Variants in MICALL2 observed in about 807,000 individuals in gnomAD.
MICALL2 encodes MICAL-like protein 2.
MICALL2 carries 111 observed loss-of-function variants against 91.1 expected under a neutral mutation model. The observed-to-expected ratio is 1.22, with a 90% CI of 1.04 to 1.43. The LOEUF is 1.43. Ranked by LOEUF, MICALL2 falls within the 40% of genes most tolerant of loss-of-function variation. The pLI is 0.00. For synonymous variants in MICALL2, 694 were observed against 525.3 expected (o/e 1.32, Z -4.39); for missense variants, 1,556 against 1,236.0 (o/e 1.26, Z -3.88).
In MICALL2 at chr7:1,438,368, G is replaced by C. The variant is rs978537562; in HGVS notation, c.2123-15C>G. 2 of 1,595,230 alleles carry C rather than the reference G, an allele frequency of 1.3e-6. No individual in the cohort carries two copies. Among genetic ancestry groups the C allele is most frequent in the Non-Finnish European group, 8.5e-7 (1 of 1,172,270 alleles). The stretch of plus-strand genomic sequence containing the variant: ...CAAGGGTCTCCCTGGAGAAGGAGCA[G>C]GGTGAGCCTCTGGGACCTGGGCCAC... On this transcript the variant is annotated splice_polypyrimidine_tract_variant and intron_variant, in intron 10 of 16. Coordinates refer to ENST00000297508, the MANE Select transcript of MICALL2 (RefSeq NM_182924.4).
chr7:1,450,770 C>A (rs1352351839), intron 1 of MICALL2, among the ~76,000 whole-genome samples: 2 of 152,214 alleles, frequency 1.3e-5, no homozygotes, highest in East Asian at 3.9e-4. Context: ...AGAGGGCCAG[C>A]CACGCTGCCC....
Position 1,451,367 on chromosome 7 carries a change from G to A in MICALL2, c.144-1079C>T, listed in dbSNP as rs1780819934. Among the ~76,000 whole-genome samples, 1 of 152,164 alleles carries A rather than the reference G, an allele frequency of 6.6e-6. No homozygotes were observed. Among genetic ancestry groups the A allele is most frequent in the Non-Finnish European group, 1.5e-5 (1 of 68,012 alleles). On this transcript the variant is annotated intron_variant, in intron 1 of 16. Transcript: ENST00000297508. This position sits in a 1 kb window ranked among gnomAD's most constrained non-coding sequence, Gnocchi z 4.5. ...CTGCGGCTTCTGGGAGGGAGGGTTG[G>A]TTAAATCATGATCTGGAAGCCGGGT...
chr7:1,439,713 GGCATCACATACATGAACACATGCACACAT>G, intron 9 of MICALL2, 183 bp downstream of exon 9: 2 of 437,440 alleles, frequency 4.6e-6, no homozygotes, highest in Non-Finnish European at 7.9e-6. Flanking sequence ...CATGGATACA[GGCATCACATACATGAACACATGCACACAT>G]GCATCACACA....
In MICALL2 at chr7:1,447,084, C is replaced by T. The variant is rs192307096; in HGVS notation, c.526-256G>A. Reference sequence around the variant, plus strand: ...TGGCTGGGGGCCAGGGGACAGATTCCAGGCCTCCTCCTGCCCCATTAGGGG... The same window carrying T: ...TGGCTGGGGGCCAGGGGACAGATTCTAGGCCTCCTCCTGCCCCATTAGGGG... On this transcript the variant is annotated intron_variant, in intron 4 of 16. Coordinates refer to ENST00000297508, the MANE Select transcript of MICALL2 (RefSeq NM_182924.4). Among the ~76,000 whole-genome samples, 420 of 152,226 alleles carry T rather than the reference C, an allele frequency of 2.8e-3. 3 individuals carry two copies. The highest frequency in any genetic ancestry group is 5.1e-3 in the Non-Finnish European group (344 of 67,986).
At chr7:1,446,538 GGGA>G in intron 5 of MICALL2, 172 bp downstream of exon 5, 1 of 565,550 alleles carries the variant, frequency 1.8e-6, no homozygotes, top group Non-Finnish European at 3.2e-6. Flanking sequence ...GGGAGGAGAG[GGGA>G]GGAGGCGGGA....
At chr7:1,435,001 C>CCCCCCCCG in intron 16 of MICALL2, 100 bp downstream of exon 16, 2 of 732,138 alleles carry the variant, frequency 2.7e-6, no homozygotes, top group South Asian at 1.9e-5. Flanking sequence ...CCCCCACCCC[C>CCCCCCCCG]AGCTGGAGGC....
chr7:1,459,242 A>G lies in MICALL2; in HGVS notation c.85T>C (p.Ser29Pro). The G allele has an allele frequency of 6.2e-7, 1 of 1,611,294 alleles. No homozygotes were observed. Among genetic ancestry groups the G allele is most frequent in the East Asian group, 2.2e-5 (1 of 44,738 alleles). Residue 29 changes from serine to proline, a missense_variant, in exon 1 of 17, where the codon TCG becomes CCG. Coordinates refer to ENST00000297508, the MANE Select transcript of MICALL2 (RefSeq NM_182924.4). The part of the protein sequence containing the change: ...RDVNICNMTT[S>P]FRDGLAFCAI... The stretch of plus-strand genomic sequence containing the variant: ...CAGAAAGCCAGGCCGTCGCGGAACG[A>G]CGTGGTCATGTTGCAGATATTCACG...
At chr7:1,459,051 G>A (rs552038133) in intron 1 of MICALL2, 133 bp downstream of exon 1, 11 of 892,064 alleles carry the variant, frequency 1.2e-5, no homozygotes, top group African/African-American at 1.2e-4. Flanking sequence ...TCGGGGGGCT[G>A]CACGGTGGGC....
At position 1,442,232 on chromosome 7, in the gene MICALL2, C is replaced by T. The variant is rs146882927; in HGVS notation, c.1671G>A (p.Glu557=). The T allele has an allele frequency of 6.2e-7, 1 of 1,612,852 alleles. No individual in the cohort carries two copies. Among genetic ancestry groups the T allele is most frequent in the Non-Finnish European group, 8.5e-7 (1 of 1,179,936 alleles). The stretch of plus-strand genomic sequence containing the variant: ...TGCTTTTACCCTTTGCCATCGGGGC[C>T]TCTGGCTTCGGCCTGGAGCCAGCAC... ...RVGAGSRPKP[E]APMAKGKSTT... is the part of the protein sequence containing the mutation. The change falls in exon 7 of 17, where the codon GAG becomes GAA. Residue 557 remains glutamate, a synonymous_variant. Transcript: ENST00000297508.
At chr7:1,435,172 A>T (rs777316741) in intron 15 of MICALL2, 25 bp from the exon 16 acceptor site, 8 of 1,612,812 alleles carry the variant, frequency 5.0e-6, no homozygotes, top group Middle Eastern at 1.7e-4. Flanking sequence ...GATGGCCATG[A>T]GCGACAATGG....
chr7:1,455,197 G>A (rs1215155497), intron 1 of MICALL2, among the ~76,000 whole-genome samples: 1 of 152,208 alleles, frequency 6.6e-6, no homozygotes, highest in African/African-American at 2.4e-5. Context: ...GGCTGTGCCT[G>A]GAGACCTGCT....
chr7:1,448,337 T>C (rs1780686048), intron 3 of MICALL2, among the ~76,000 whole-genome samples: 1 of 152,242 alleles, frequency 6.6e-6, no homozygotes, highest in Non-Finnish European at 1.5e-5. Context: ...ACCTGGCACC[T>C]TGGGGAAGCA....
At chr7:1,443,825 G>A (rs983111688) in intron 6 of MICALL2, among the ~76,000 whole-genome samples, 2 of 152,194 alleles carry the variant, frequency 1.3e-5, no homozygotes, top group African/African-American at 4.8e-5. Flanking sequence ...GCTGTGAGGG[G>A]GTGGATTTCT....
At chr7:1,446,238 G>A (rs1416554990) in intron 5 of MICALL2, among the ~76,000 whole-genome samples, 2 of 3,352 alleles carry the variant, frequency 6.0e-4, no homozygotes, top group Admixed American at 1.3e-3. Context: ...GGAGGGAGAG[G>A]AGGGGGGAGG....
chr7:1,437,721 G>A, intron 13 of MICALL2, 113 bp from the exon 14 acceptor site: 3 of 1,300,460 alleles, frequency 2.3e-6, no homozygotes, highest in Non-Finnish European at 3.2e-6. Flanking sequence ...TCTGAGGCCT[G>A]ACTCGCCGCC....
chr7:1,437,789 T>A, intron 13 of MICALL2, 101 bp downstream of exon 13: 1 of 1,234,624 alleles, frequency 8.1e-7, no homozygotes, highest in Non-Finnish European at 1.1e-6. Flanking sequence ...CGCACAGACA[T>A]GCATCTGAGG....
Position 1,447,572 on chromosome 7 carries a change from T to TA in MICALL2, c.525+2dup, listed in dbSNP as rs1226118300. Reference sequence around the variant, plus strand: ...CCAGGGGGAGGGTGGGGTGGGAGCTTACAGTCTTGGGGGGCGGGCCCCCTG... The same window carrying TA: ...CCAGGGGGAGGGTGGGGTGGGAGCTTAACAGTCTTGGGGGGCGGGCCCCCTG... On this transcript the variant is annotated splice_region_variant and intron_variant, in intron 4 of 16. Transcript: ENST00000297508. The TA allele has an allele frequency of 3.3e-6, 5 of 1,527,498 alleles. No homozygotes were observed. The South Asian group carries it at 6.2e-5, about 19-fold the overall frequency. The allele number at this position is 1,527,498 out of a possible 1,614,324, so 94.6% of individuals were successfully genotyped here.
At chr7:1,447,139 G>A (rs969122038) in intron 4 of MICALL2, among the ~76,000 whole-genome samples, 3 of 152,126 alleles carry the variant, frequency 2.0e-5, no homozygotes, top group East Asian at 1.9e-4. Flanking sequence ...CCACCATCCC[G>A]GGAGCCTGGA....
At position 1,439,149 on chromosome 7, in the gene MICALL2, C is replaced by T. The variant is rs150229419; in HGVS notation, c.1967-154G>A. The T allele has an allele frequency of 7.0e-3, 4,397 of 629,332 alleles. 21 individuals are homozygous for T. The highest frequency in any genetic ancestry group is 0.01 in the Non-Finnish European group (3,822 of 372,866). The allele number at this position is 629,332 out of a possible 1,614,324, so 39.0% of individuals were successfully genotyped here. A position where few individuals can be genotyped will look rare whatever the true frequency, so the allele number is the denominator to read the frequency against. ...CACAGGGTTGGCATCACAAGCCCTA[C>T]ACCCACGTCCTGCCCAACCTGGCCA... On this transcript the variant is annotated intron_variant, in intron 9 of 16. Transcript: ENST00000297508.
Sources: allele counts gnomAD v4.1 joint callset (sites outside exome capture counted in the v4.1 genomes callset), GRCh38; gene constraint gnomAD v4.1.1; non-coding constraint Gnocchi (gnomAD v3.1); transcripts MANE v1.5; gene names NCBI Gene and HGNC (gene_info 2026-07-23, HGNC 2026-07-21).